Variants in VPS13D observed in about 807,000 individuals in gnomAD.
VPS13D encodes vacuolar protein sorting 13 homolog D, also known as intermembrane lipid transfer protein VPS13D.
VPS13D carries 187 observed loss-of-function variants against 461.9 expected under a neutral mutation model. The ratio of observed to expected loss-of-function variants is 0.40; its 90% CI spans 0.36 to 0.46. The LOEUF (loss-of-function observed/expected upper bound fraction) is 0.46. Ranked by LOEUF, VPS13D falls within the 20% of genes least tolerant of loss-of-function variation. VPS13D has a pLI of 0.60. For synonymous variants in VPS13D, 1,951 were observed against 1,986.3 expected (o/e 0.98, Z 0.47); for missense variants, 4,711 against 5,364.9 (o/e 0.88, Z 3.81).
chr1:12,230,487 C>T (rs1639927191), intron 1 of VPS13D, among the ~76,000 whole-genome samples: 2 of 152,096 alleles, frequency 1.3e-5, no homozygotes, highest in South Asian at 2.1e-4. Flanking sequence ...TCCCAGCAGC[C>T]TGGCGCCCTG....
intron 44 of VPS13D, among the ~76,000 whole-genome samples, chr1:12,347,991 G>A (rs1643712393): frequency 6.6e-6 from 1 of 152,144 alleles, no homozygotes; most frequent in African/African-American, 2.4e-5. Flanking sequence ...CTGAACCTTG[G>A]TGTCCTTTTT....
chr1:12,373,894 GT>G, intron 55 of VPS13D, 36 bp downstream of exon 55: 8 of 1,536,488 alleles, frequency 5.2e-6, no homozygotes, highest in Admixed American at 1.7e-5. Flanking sequence ...AGAATACAAG[GT>G]TTTTAGCACT....
chr1:12,445,850 G>T (rs1038037807), intron 65 of VPS13D, among the ~76,000 whole-genome samples: 1 of 152,134 alleles, frequency 6.6e-6, no homozygotes, highest in Non-Finnish European at 1.5e-5. Context: ...TACCTCCTCT[G>T]CAAAAGACAG....
intron 60 of VPS13D, among the ~76,000 whole-genome samples, chr1:12,392,137 T>C (rs1644434885): frequency 6.6e-6 from 1 of 152,154 alleles, no homozygotes; most frequent in Non-Finnish European, 1.5e-5. Context: ...CCTGGGATTA[T>C]AGGTGTGAGC....
chr1:12,319,165 A>G (rs901294548), intron 31 of VPS13D, among the ~76,000 whole-genome samples: 2 of 152,208 alleles, frequency 1.3e-5, no homozygotes, highest in African/African-American at 2.4e-5. Flanking sequence ...ACTTAGAGAA[A>G]GGATGATTTT....
At chr1:12,311,306 A>G in intron 27 of VPS13D, 148 bp from the exon 28 acceptor site, 1 of 621,362 alleles carries the variant, frequency 1.6e-6, no homozygotes, top group East Asian at 3.0e-5. Flanking sequence ...CTTCATTTGG[A>G]GCTACATGAA....
intron 67 of VPS13D, among the ~76,000 whole-genome samples, chr1:12,469,489 A>G (rs960646466): frequency 2.0e-5 from 3 of 152,232 alleles, no homozygotes; most frequent in Non-Finnish European, 4.4e-5. Flanking sequence ...GTGACTCTGC[A>G]TACATGCCAC....
chr1:12,290,328 A>G (rs1436557853), intron 22 of VPS13D, among the ~76,000 whole-genome samples: 1 of 152,164 alleles, frequency 6.6e-6, no homozygotes, highest in East Asian at 1.9e-4. Flanking sequence ...TCTTTTATCC[A>G]GAGTATAATT....
chr1:12,297,857 C>T (rs1345817384), intron 24 of VPS13D, among the ~76,000 whole-genome samples: 1 of 152,072 alleles, frequency 6.6e-6, no homozygotes, highest in Non-Finnish European at 1.5e-5. Flanking sequence ...CCTAATGAGG[C>T]GGTGGTCGGC....
intron 13 of VPS13D, among the ~76,000 whole-genome samples, chr1:12,264,920 C>G (rs1252679492): frequency 6.6e-6 from 1 of 152,206 alleles, no homozygotes; most frequent in Non-Finnish European, 1.5e-5. Context: ...AACAGGCTGA[C>G]TCTCTTGTTA....
intron 27 of VPS13D, among the ~76,000 whole-genome samples, chr1:12,309,437 TTGACCTCG>T: frequency 6.6e-6 from 1 of 151,758 alleles, no homozygotes; most frequent in South Asian, 2.1e-4. Flanking sequence ...TCTCGATCTC[TTGACCTCG>T]TGATCCACCT....
chr1:12,308,281 C>A (rs1642626102), intron 26 of VPS13D, 150 bp from the exon 27 acceptor site: 1 of 809,232 alleles, frequency 1.2e-6, no homozygotes, highest in Non-Finnish European at 1.9e-6. Flanking sequence ...TCCTGGACAG[C>A]CAGTTTTCTG....
intron 60 of VPS13D, among the ~76,000 whole-genome samples, chr1:12,388,890 A>G (rs1160015104): frequency 6.6e-6 from 1 of 152,234 alleles, no homozygotes; most frequent in Non-Finnish European, 1.5e-5. Context: ...GTCATAGGAA[A>G]TGAGAATGAC....
At chr1:12,275,142 C>G (rs1641570333) in intron 18 of VPS13D, among the ~76,000 whole-genome samples, 1 of 152,170 alleles carries the variant, frequency 6.6e-6, no homozygotes, top group Non-Finnish European at 1.5e-5. Context: ...TCTCTTGAAC[C>G]TGGGAGGTGG....
Position 12,509,121 on chromosome 1 carries a change from C to T in VPS13D, c.*97C>T, listed in dbSNP as rs1032202713. ...CTGACGATGGAGGCAGAACCGGAGTCGGGTTTGGGGAAGTTGTCAAGGAAT... is the reference window on the plus strand; with the variant it reads ...CTGACGATGGAGGCAGAACCGGAGTTGGGTTTGGGGAAGTTGTCAAGGAAT... On this transcript the variant is annotated 3_prime_UTR_variant, in exon 70 of 70. Coordinates refer to ENST00000620676, the MANE Select transcript of VPS13D (RefSeq NM_015378.4). 1.2e-4 allele frequency: 166 copies of T among 1,435,550 alleles called. No homozygotes were observed. Among genetic ancestry groups the T allele is most frequent in the East Asian group, 6.8e-4 (27 of 39,940 alleles). The allele number at this position is 1,435,550 out of a possible 1,614,324, so 88.9% of individuals were successfully genotyped here. A position where few individuals can be genotyped will look rare whatever the true frequency, so the allele number is the denominator to read the frequency against.
At chr1:12,369,259 CAT>C (rs1373303381) in intron 53 of VPS13D, among the ~76,000 whole-genome samples, 1 of 151,412 alleles carries the variant, frequency 6.6e-6, no homozygotes, top group Non-Finnish European at 1.5e-5. Context: ...GTGTGTAGCA[CAT>C]GTCTTTTAAT....
At chr1:12,384,719 A>G (rs1048715282) in intron 58 of VPS13D, among the ~76,000 whole-genome samples, 1 of 152,156 alleles carries the variant, frequency 6.6e-6, no homozygotes, top group African/African-American at 2.4e-5. Flanking sequence ...TCCTGGGCTC[A>G]GGTGATCCTC....
chr1:12,338,056 C>A, intron 39 of VPS13D, 175 bp from the exon 40 acceptor site: 1 of 487,848 alleles, frequency 2.0e-6, no homozygotes, highest in Non-Finnish European at 3.7e-6. Context: ...AAAATGTGTT[C>A]ACTTTGTCAA....
At chr1:12,388,096 A>G (rs1644372350) in intron 60 of VPS13D, among the ~76,000 whole-genome samples, 2 of 152,232 alleles carry the variant, frequency 1.3e-5, no homozygotes. Flanking sequence ...TTAAAGTAAG[A>G]GTGAGATTCT....
Sources: gnomAD v4.1 joint callset for allele counts (sites outside exome capture counted in the v4.1 genomes callset) on GRCh38, gnomAD v4.1.1 for gene constraint, MANE v1.5 for transcripts, NCBI Gene and HGNC (gene_info 2026-07-23, HGNC 2026-07-21) for gene names.